The following PASK variants were observed in gnomAD, a reference collection of about 807,000 sequenced individuals.
PASK encodes the protein PAS domain-containing serine/threonine-protein kinase.
In PASK, 110 loss-of-function variants were observed where a neutral mutation model predicts 121.0. The observed-to-expected ratio is 0.91, with a 90% confidence interval of 0.78 to 1.06. PASK has a LOEUF of 1.06. Ranked by LOEUF, PASK falls within the 50% of genes least tolerant of loss-of-function variation. PASK has a pLI of 0.00. For missense variants in PASK, 1,643 were observed against 1,702.3 expected (o/e 0.97, Z 0.61); for synonymous variants, 686 against 717.8 (o/e 0.96, Z 0.71).
rs762023363 is a variant in PASK, at chr2:241,140,704, A to G, written c.246T>C (p.Ile82=). 2 of 1,614,116 alleles carry G rather than the reference A, an allele frequency of 1.2e-6. No individual in the cohort carries two copies. Among genetic ancestry groups the G allele is most frequent in the African/African-American group, 2.7e-5 (2 of 75,054 alleles). The change falls in exon 3 of 18, where the codon ATT becomes ATC. Residue 82 remains isoleucine, a synonymous_variant. Transcript: ENST00000234040. ...CAGGGCAGTGCAGTTTACTTGTACA[A>G]ATATTCTGGGCAGCCAGTGATGATA... ...YCLSSLAAQN[I]CTSKLHCPAA... is the part of the protein sequence containing the mutation.
chr2:241,139,430 A>T (rs1256328318), intron 4 of PASK: 2 of 442,728 alleles, frequency 4.5e-6, no homozygotes, highest in Non-Finnish European at 9.5e-6. Context: ...TCCAGGTTGG[A>T]CACATGGCAC....
chr2:241,106,174 T>G lies in PASK; in HGVS notation c.*392A>C, dbSNP rs3275. The G allele has an allele frequency of 0.034, 8,498 of 252,004 alleles. 207 individuals carry two copies. The highest frequency in any genetic ancestry group is 0.082 in the Middle Eastern group (53 of 650). The allele number at this position is 252,004 out of a possible 1,614,324, so 15.6% of individuals were successfully genotyped here. A position where few individuals can be genotyped will look rare whatever the true frequency, so the allele number is the denominator to read the frequency against. ...AAATTAATGAAATAGTCTGGCCATTTGACTAACCAGTTCTACAAATTTCAC... is the reference window on the plus strand; with the variant it reads ...AAATTAATGAAATAGTCTGGCCATTGGACTAACCAGTTCTACAAATTTCAC... On this transcript the variant is annotated 3_prime_UTR_variant, in exon 18 of 18. Coordinates refer to ENST00000234040, the MANE Select transcript of PASK (RefSeq NM_015148.4).
chr2:241,149,586 C>T (rs1038422019), upstream of PASK: 3 of 1,466,644 alleles, frequency 2.0e-6, no homozygotes, highest in African/African-American at 2.8e-5. Context: ...GAAGCCCGCG[C>T]TAAGGGTTGC....
chr2:241,148,984 G>T (rs1376000783), intron 1 of PASK, among the ~76,000 whole-genome samples: 1 of 140,390 alleles, frequency 7.1e-6, no homozygotes, highest in African/African-American at 2.6e-5. Flanking sequence ...CCCCGACCCC[G>T]CGGCGCCGGC....
rs1270086463 is a variant in PASK, at chr2:241,137,103, A to G, written c.1038T>C (p.Ser346=). 9 of 1,613,544 alleles carry G rather than the reference A, an allele frequency of 5.6e-6. No homozygotes were observed. Among genetic ancestry groups the G allele is most frequent in the African/African-American group, 1.3e-5 (1 of 74,878 alleles). ...RASVWVFCTI[S]GLITLLPDGT... is the part of the protein sequence containing the mutation. ...CATCCGGCAGGAGGGTGATGAGGCC[A>G]CTGATGGTGCAGAACACCCAGACAG... Residue 346 remains serine, a synonymous_variant, in exon 7 of 18, where the codon AGT becomes AGC. Transcript: ENST00000234040.
rs776539745 is a variant in PASK, at chr2:241,135,939, T to C, written c.1238A>G (p.Asn413Ser). The change falls in exon 8 of 18, where the codon AAT (asparagine) becomes AGT (serine). Residue 413 changes from asparagine to serine, a missense_variant. This residue lies in a region of PASK where 1,176 missense variants were observed against 1,162.2 expected (regional missense o/e 1.01). Coordinates refer to ENST00000234040, the MANE Select transcript of PASK (RefSeq NM_015148.4). ...PDLASCLDVGNESGCGERTLD... is the reference protein window; with the variant it reads ...PDLASCLDVGSESGCGERTLD... ...GGTTCTCTCCCCACACCCACTCTCATTGCCGACGTCCAGGCAGCTGGCCAG... is the reference window on the plus strand; with the variant it reads ...GGTTCTCTCCCCACACCCACTCTCACTGCCGACGTCCAGGCAGCTGGCCAG... 4.3e-6 allele frequency: 7 copies of C among 1,614,186 alleles called. No homozygotes were observed. The highest frequency in any genetic ancestry group is 2.2e-5 in the East Asian group (1 of 44,874).
At chr2:241,110,759 A>G (rs531202288) in intron 15 of PASK, among the ~76,000 whole-genome samples, 4 of 152,122 alleles carry the variant, frequency 2.6e-5, no homozygotes, top group Non-Finnish European at 5.9e-5. Context: ...TCCAGCACGG[A>G]GGGCACGACA....
chr2:241,108,705 A>G lies in PASK; in HGVS notation c.3534-405T>C. Reference sequence around the variant, plus strand: ...ACGTGCCCTTCAGACGTGATCAGGCATGTTCACGATCTTGGTGTGAACGGG... The same window carrying G: ...ACGTGCCCTTCAGACGTGATCAGGCGTGTTCACGATCTTGGTGTGAACGGG... On this transcript the variant is annotated intron_variant, in intron 15 of 17. Transcript: ENST00000234040. The surrounding 1 kb of genome is among the most constrained non-coding windows in gnomAD (Gnocchi z 5.2). 2.9e-6 allele frequency: 1 copy of G among 349,850 alleles called. No individual in the cohort carries two copies. Among genetic ancestry groups the G allele is most frequent in the Non-Finnish European group, 5.6e-6 (1 of 178,056 alleles). The allele number at this position is 349,850 out of a possible 1,614,324, so 21.7% of individuals were successfully genotyped here.
intron 14 of PASK, chr2:241,113,501 C>T (rs938625888): frequency 3.2e-5 from 5 of 156,316 alleles, no homozygotes; most frequent in African/African-American, 1.2e-4. Flanking sequence ...TACCTATACA[C>T]ATAACATATA....
At position 241,138,048 on chromosome 2, in the gene PASK, G is replaced by C. The variant is rs1290404832; in HGVS notation, c.781C>G (p.His261Asp). 1.2e-6 allele frequency: 2 copies of C among 1,614,222 alleles called. No homozygotes were observed. The highest frequency in any genetic ancestry group is 2.2e-5 in the South Asian group (2 of 91,090). ...ACGTCCTCCCCAGACACGTACCCGT[G>C]AAGATGAGCAAAGAGACTGTCACAT... ...TSCDSLFAHLHGYVSGEDVAG... is the reference protein window; with the variant it reads ...TSCDSLFAHLDGYVSGEDVAG... Residue 261 changes from histidine to aspartate, a missense_variant, in exon 6 of 18, where the codon CAC (histidine) becomes GAC (aspartate). This residue lies in a region of PASK where 1,176 missense variants were observed against 1,162.2 expected (regional missense o/e 1.01). Transcript: ENST00000234040.
Position 241,126,261 on chromosome 2 carries a change from A to G in PASK, c.2654T>C (p.Leu885Pro). The stretch of plus-strand genomic sequence containing the variant: ...GGCACCCTCCTGGATCTCCCGCTGC[A>G]GGCCAGCAGCCCCGCGCATCACGAT... ...PVIVMRGAAGLQREIQEGAYS... is the reference protein window; with the variant it reads ...PVIVMRGAAGPQREIQEGAYS... The change falls in exon 10 of 18, where the codon CTG (leucine) becomes CCG (proline). Residue 885 changes from leucine (L) to proline (P), a missense_variant. By Grantham distance (98) the Leu-to-Pro change is moderately conservative. This residue lies in a region of PASK where 1,176 missense variants were observed against 1,162.2 expected (regional missense o/e 1.01). Coordinates refer to ENST00000234040, the MANE Select transcript of PASK (RefSeq NM_015148.4). 6.2e-7 allele frequency: 1 copy of G among 1,614,120 alleles called. No individual in the cohort carries two copies. Among genetic ancestry groups the G allele is most frequent in the Non-Finnish European group, 8.5e-7 (1 of 1,180,022 alleles).
rs752437474 is a variant in PASK, at chr2:241,137,186, G to C, written c.955C>G (p.Pro319Ala). Residue 319 changes from proline to alanine, a missense_variant, in exon 7 of 18, where the codon CCC (proline) becomes GCC (alanine). Around this residue, in one of 3 missense-constraint regions of PASK, gnomAD observed 1,176 missense variants for 1,162.2 expected, o/e 1.01. Coordinates refer to ENST00000234040, the MANE Select transcript of PASK (RefSeq NM_015148.4). ...CCGGTGGTCGCCTCCTCGCTGCTGGGTTGGGATTTCAGCTTTAAGCTCAGA... is the reference window on the plus strand; with the variant it reads ...CCGGTGGTCGCCTCCTCGCTGCTGGCTTGGGATTTCAGCTTTAAGCTCAGA... Reference protein sequence around the residue: ...FPLSLKLKSQPSSEEATTGEA... With the variant: ...FPLSLKLKSQASSEEATTGEA... The C allele has an allele frequency of 6.2e-7, 1 of 1,612,772 alleles. No homozygotes were observed. Among genetic ancestry groups the C allele is most frequent in the South Asian group, 1.1e-5 (1 of 91,022 alleles).
rs980360023 is a variant in PASK, at chr2:241,122,628, C to T, written c.3072+104G>A. 2.8e-6 allele frequency: 3 copies of T among 1,071,260 alleles called. No homozygotes were observed. In the African/African-American group the frequency reaches 4.7e-5, roughly 17 times the overall value. 66.4% of individuals were successfully genotyped at this position (1,071,260 alleles called of 1,614,324 possible). On this transcript the variant is annotated intron_variant, in intron 12 of 17. Transcript: ENST00000234040. ...GCCAGGTTGTGTGCTTGGTGCCATA[C>T]CTAGAGGACTCCTCCAAAAACCCCA...
At position 241,126,883 on chromosome 2, in the gene PASK, G is replaced by A; in HGVS notation, c.2032C>T (p.Pro678Ser). The change falls in exon 10 of 18, where the codon CCC becomes TCC. Residue 678 changes from proline (P) to serine (S), a missense_variant. By Grantham distance (74) the Pro-to-Ser change is moderately conservative. Transcript: ENST00000234040. ...QLSLAGALDV[P>S]HAELVPTECQ... ...TCTGTCGGAACGAGTTCGGCGTGGG[G>A]GACATCCAGGGCTCCTGCAAGGCTC... The A allele has an allele frequency of 6.2e-7, 1 of 1,613,232 alleles. No individual in the cohort carries two copies.
chr2:241,108,803 C>T lies in PASK; in HGVS notation c.3534-503G>A, dbSNP rs779080233. The T allele has an allele frequency of 8.4e-5, 20 of 239,090 alleles. No individual in the cohort carries two copies. The highest frequency in any genetic ancestry group is 2.5e-5 in the Non-Finnish European group (3 of 119,486). 14.8% of individuals were successfully genotyped at this position (239,090 alleles called of 1,614,324 possible). A position where few individuals can be genotyped will look rare whatever the true frequency, so the allele number is the denominator to read the frequency against. On this transcript the variant is annotated intron_variant, in intron 15 of 17. Transcript: ENST00000234040. The surrounding 1 kb of genome is among the most constrained non-coding windows in gnomAD (Gnocchi z 5.2). ...CGACGATGTGAAGGGTGCTGCAGGACGAGACTGAACAGGGAAAAACACCGA... is the reference window on the plus strand; with the variant it reads ...CGACGATGTGAAGGGTGCTGCAGGATGAGACTGAACAGGGAAAAACACCGA...
At chr2:241,147,693 A>G (rs1471466674) in intron 1 of PASK, among the ~76,000 whole-genome samples, 1 of 152,244 alleles carries the variant, frequency 6.6e-6, no homozygotes, top group Non-Finnish European at 1.5e-5. Context: ...TTTCTTTGTA[A>G]AAGTAACTAA....
chr2:241,143,477 G>A (rs2066808069), intron 1 of PASK, among the ~76,000 whole-genome samples: 1 of 150,942 alleles, frequency 6.6e-6, no homozygotes, highest in East Asian at 1.9e-4. Flanking sequence ...TGTGAACCCG[G>A]GAGGCAGAGC....
intron 8 of PASK, 120 bp downstream of exon 8, chr2:241,135,751 A>G: frequency 1.1e-6 from 1 of 913,196 alleles, no homozygotes; most frequent in Non-Finnish European, 1.7e-6. Flanking sequence ...TCCGCCCCCC[A>G]CCACCCCTGA....
rs2065148070 is a variant in PASK at position 241,112,459 on chromosome 2, G to C, written c.3334-20C>G. On this transcript the variant is annotated intron_variant, in intron 14 of 17. Coordinates refer to ENST00000234040, the MANE Select transcript of PASK (RefSeq NM_015148.4). The surrounding 1 kb of genome is among the most constrained non-coding windows in gnomAD (Gnocchi z 5.2). The stretch of plus-strand genomic sequence containing the variant: ...CACTAGCTGGAATCAGGAGGCCAGA[G>C]GGGGCTTTTTAAAAAAGCAATTCAA... 3 of 1,571,834 alleles carry C rather than the reference G, an allele frequency of 1.9e-6. No homozygotes were observed.
Sources: allele counts gnomAD v4.1 joint callset (sites outside exome capture counted in the v4.1 genomes callset), GRCh38; gene constraint gnomAD v4.1.1; regional missense constraint gnomAD v4.1.1; non-coding constraint Gnocchi (gnomAD v3.1); transcripts MANE v1.5; gene names NCBI Gene and HGNC (gene_info 2026-07-23, HGNC 2026-07-21).